Variants in SGCZ observed in about 807,000 individuals in gnomAD.
SGCZ encodes sarcoglycan zeta, also known as zeta-sarcoglycan.
SGCZ carries 40 observed loss-of-function variants against 41.3 expected under a neutral mutation model. The ratio of observed to expected loss-of-function variants is 0.97; its 90% CI spans 0.75 to 1.26. The LOEUF is 1.26. Ranked by LOEUF, SGCZ falls within the 50% of genes most tolerant of loss-of-function variation. The pLI, the probability that SGCZ is intolerant of heterozygous loss-of-function variation, is 0.00. For synonymous variants in SGCZ, 206 were observed against 137.5 expected, an observed-to-expected ratio of 1.50 and a Z score of -3.49; for missense variants, 552 against 369.8, an observed-to-expected ratio of 1.49 and a Z score of -4.04.
chr8:14,485,497 A>G lies in SGCZ; in HGVS notation c.234+69235T>C, dbSNP rs534237490. ...GTCATCTGCCCACGTCAGACTCCCAAAGTGCTGGGATTACAGGGATGAGCC... is the reference window on the plus strand; with the variant it reads ...GTCATCTGCCCACGTCAGACTCCCAGAGTGCTGGGATTACAGGGATGAGCC... On this transcript the variant is annotated intron_variant, in intron 2 of 7. Coordinates refer to ENST00000382080, the MANE Select transcript of SGCZ (RefSeq NM_139167.4). 3.5e-3 allele frequency among the ~76,000 whole-genome samples: 534 copies of G among 152,224 alleles called. 5 individuals carry two copies. Among genetic ancestry groups the G allele is most frequent in the Non-Finnish European group, 5.5e-3 (372 of 68,000 alleles).
chr8:14,497,122 G>C (rs1459893577), intron 2 of SGCZ, among the ~76,000 whole-genome samples: 1 of 152,138 alleles, frequency 6.6e-6, no homozygotes, highest in African/African-American at 2.4e-5. Flanking sequence ...CAATCTGTCA[G>C]GGGTTGTGTT....
At chr8:14,123,082 T>C (rs968222622) in intron 5 of SGCZ, among the ~76,000 whole-genome samples, 1 of 152,138 alleles carries the variant, frequency 6.6e-6, no homozygotes, top group African/African-American at 2.4e-5. Context: ...AACGACCAAA[T>C]TACAAAGACG....
rs150182122 is a variant in SGCZ at position 14,458,373 on chromosome 8, T to C, written c.234+96359A>G. On this transcript the variant is annotated intron_variant, in intron 2 of 7. Coordinates refer to ENST00000382080, the MANE Select transcript of SGCZ (RefSeq NM_139167.4). ...AGACAAAAATGACCGTAAACAAATA[T>C]TGAACTCCAGTAAGTAAAGTTGTTT... Among the ~76,000 whole-genome samples, 243 of 152,280 alleles carry C rather than the reference T, an allele frequency of 1.6e-3. 1 individual carries two copies. Among genetic ancestry groups the C allele is most frequent in the Non-Finnish European group, 2.7e-3 (185 of 68,020 alleles).
intron 3 of SGCZ, among the ~76,000 whole-genome samples, chr8:14,298,195 A>G (rs903912582): frequency 2.6e-5 from 4 of 152,052 alleles, no homozygotes; most frequent in Non-Finnish European, 4.4e-5. Flanking sequence ...CTAGTTATAT[A>G]AGGAATTTTC....
intron 1 of SGCZ, among the ~76,000 whole-genome samples, chr8:14,793,079 T>C (rs192674724): frequency 7.7e-4 from 117 of 152,350 alleles, no homozygotes; most frequent in African/African-American, 2.8e-3. Context: ...CATGTTCCTA[T>C]TTGATTTCTT....
chr8:14,743,859 T>C (rs1457454400), intron 1 of SGCZ, among the ~76,000 whole-genome samples: 1 of 152,130 alleles, frequency 6.6e-6, no homozygotes, highest in Non-Finnish European at 1.5e-5. Context: ...TAGAAAATAA[T>C]GACACAGTGA....
At chr8:15,182,169 T>A (rs542149057) in intron 1 of SGCZ, among the ~76,000 whole-genome samples, 4 of 152,328 alleles carry the variant, frequency 2.6e-5, no homozygotes, top group African/African-American at 9.6e-5. Context: ...GTGTACCTGA[T>A]ATTTCACAAA....
At chr8:14,735,312 G>A (rs1798993981) in intron 1 of SGCZ, among the ~76,000 whole-genome samples, 1 of 152,152 alleles carries the variant, frequency 6.6e-6, no homozygotes, top group South Asian at 2.1e-4. Context: ...AGTGGACTAG[G>A]AGAAGAAGAC....
intron 1 of SGCZ, among the ~76,000 whole-genome samples, chr8:14,757,745 T>C (rs1174027438): frequency 6.6e-6 from 1 of 152,218 alleles, no homozygotes; most frequent in Non-Finnish European, 1.5e-5. Context: ...TATTACTTTG[T>C]TAATAAACCT....
chr8:15,230,185 TAA>T (rs200066472), intron 1 of SGCZ, among the ~76,000 whole-genome samples: 40,007 of 139,242 alleles, frequency 0.29, 5,717 homozygotes, highest in East Asian at 0.4. Context: ...GGATACTAGT[TAA>T]AAAAAAAAAA....
At chr8:14,681,148 C>A (rs532293911) in intron 1 of SGCZ, among the ~76,000 whole-genome samples, 10 of 151,966 alleles carry the variant, frequency 6.6e-5, no homozygotes, top group African/African-American at 2.4e-4. Flanking sequence ...AAAAAATAGT[C>A]CAAAGAAACA....
At chr8:14,866,805 A>G (rs1803948526) in intron 1 of SGCZ, among the ~76,000 whole-genome samples, 1 of 152,114 alleles carries the variant, frequency 6.6e-6, no homozygotes, top group Admixed American at 6.6e-5. Flanking sequence ...AAAAGAAACT[A>G]AAAGAAAAAA....
intron 1 of SGCZ, among the ~76,000 whole-genome samples, chr8:15,198,898 A>G (rs552673876): frequency 3.2e-4 from 48 of 152,322 alleles, no homozygotes; most frequent in Admixed American, 5.9e-4. Context: ...TTAGGTATCA[A>G]GGAAAAGCAT....
At chr8:14,907,630 C>T (rs137908955) in intron 1 of SGCZ, among the ~76,000 whole-genome samples, 3,397 of 152,096 alleles carry the variant, frequency 0.022, 64 homozygotes, top group Middle Eastern at 0.048. Flanking sequence ...TTGCTTGAGG[C>T]CAGAAGTTCA....
rs1800825698 is a variant in SGCZ at position 14,957,422 on chromosome 8, A to T, written c.39+280163T>A. Among the ~76,000 whole-genome samples the T allele has an allele frequency of 2.0e-5, 3 of 152,066 alleles. No homozygotes were observed. In the South Asian group the frequency reaches 6.2e-4, roughly 31 times the overall value. ...ATTTTTCATAAAACTTATGGTAAAT[A>T]TATTAACCTTTCCATTCGTTGTCAC... On this transcript the variant is annotated intron_variant, in intron 1 of 7. Coordinates refer to ENST00000382080, the MANE Select transcript of SGCZ (RefSeq NM_139167.4).
At chr8:14,554,655 AT>A (rs1306752419) in intron 2 of SGCZ, 76 bp downstream of exon 2, 1 of 1,191,434 alleles carries the variant, frequency 8.4e-7, no homozygotes, top group Non-Finnish European at 1.2e-6. Context: ...ATAACTTTTG[AT>A]TAAAAAATTA....
At chr8:15,090,865 T>A (rs189263039) in intron 1 of SGCZ, among the ~76,000 whole-genome samples, 202 of 152,302 alleles carry the variant, frequency 1.3e-3, no homozygotes, top group African/African-American at 4.6e-3. Context: ...ATTAAAATTA[T>A]AATCTTCCAA....
intron 4 of SGCZ, among the ~76,000 whole-genome samples, chr8:14,208,882 C>T (rs1805704409): frequency 6.6e-6 from 1 of 152,070 alleles, no homozygotes; most frequent in African/African-American, 2.4e-5. Context: ...GGAGAGTACT[C>T]AGTAAGGTTT....
At chr8:14,245,898 T>C (rs1229893805) in intron 3 of SGCZ, among the ~76,000 whole-genome samples, 1 of 152,150 alleles carries the variant, frequency 6.6e-6, no homozygotes, top group Non-Finnish European at 1.5e-5. Context: ...CACCATGAGA[T>C]ACCATCTCAC....
Sources: allele counts gnomAD v4.1 joint callset (sites outside exome capture counted in the v4.1 genomes callset), GRCh38; gene constraint gnomAD v4.1.1; transcripts MANE v1.5; gene names NCBI Gene and HGNC (gene_info 2026-07-23, HGNC 2026-07-21).